Variants in ATG2A observed in about 807,000 individuals in gnomAD.
The protein encoded by ATG2A is autophagy-related protein 2 homolog A.
ATG2A carries 103 observed loss-of-function variants against 214.2 expected under a neutral mutation model. The ratio of observed to expected loss-of-function variants is 0.48; its 90% CI spans 0.41 to 0.57. The LOEUF (loss-of-function observed/expected upper bound fraction) is 0.57, where lower values mean the gene tolerates loss of function less well. ATG2A is among the 20% of genes least tolerant of loss of function. The probability of loss-of-function intolerance (pLI) is 0.00; values close to 1 mark genes in which losing one functional copy is unlikely to be tolerated. For synonymous variants in ATG2A, 1,160 were observed against 1,142.1 expected (o/e 1.02, Z -0.32); for missense variants, 2,312 against 2,613.2 (o/e 0.88, Z 2.51).
At position 64,897,902 on chromosome 11, in the gene ATG2A, G is replaced by A. The variant is rs190479823; in HGVS notation, c.4931C>T (p.Ser1644Leu). The A allele has an allele frequency of 3.4e-5, 53 of 1,565,040 alleles. No homozygotes were observed. In the East Asian group the frequency reaches 4.9e-4, roughly 15 times the overall value. Residue 1644 changes from serine (S) to leucine (L), a missense_variant, in exon 35 of 41, where the codon TCG becomes TTG. Transcript: ENST00000377264. ...GTGTCCACCTCCTGGGGCCTCCTGC[G>A]AACCAGTGGTCTCTACGCCTTCGGC... ...GQAEGVETTG[S>L]QEAPGGGHSP...
At position 64,911,007 on chromosome 11, in the gene ATG2A, CT is replaced by C. The variant is rs763984994; in HGVS notation, c.1466+30del. 2.5e-6 allele frequency: 4 copies of C among 1,613,692 alleles called. No homozygotes were observed. The South Asian group carries it at 4.4e-5, about 18-fold the overall frequency. Reference sequence around the variant, plus strand: ...GGTGCACTTAGGGGGCTCTGATGGTCTCTCCTCAGGCCCTGGCCTCGGGCTT... The same window carrying C: ...GGTGCACTTAGGGGGCTCTGATGGTCCTCCTCAGGCCCTGGCCTCGGGCTT... On this transcript the variant is annotated intron_variant, in intron 10 of 40. Transcript: ENST00000377264.
Position 64,914,096 on chromosome 11 carries a change from G to A in ATG2A, c.472C>T (p.Gln158Ter). The change falls in exon 3 of 41, where the codon CAG becomes TAG. Residue 158 changes from glutamine to a stop codon, truncating the protein, a stop_gained. Transcript: ENST00000377264. LOFTEE classifies it high-confidence loss of function. ...QPLEGLEMFA[Q>*]TIETVLRRIK... The stretch of plus-strand genomic sequence containing the variant: ...GCCTGCTCACCAGTCTCAATGGTCT[G>A]GGCAAACATCTCCAGCCCCTCCAGG... 2 of 1,548,242 alleles carry A rather than the reference G, an allele frequency of 1.3e-6. No individual in the cohort carries two copies. The highest frequency in any genetic ancestry group is 1.7e-6 in the Non-Finnish European group (2 of 1,145,598).
rs1037678541 is a variant in ATG2A at position 64,894,586 on chromosome 11, C to A, written c.*387G>T. The A allele has an allele frequency of 5.5e-5, 27 of 494,758 alleles. No individual in the cohort carries two copies. In the Admixed American group the frequency reaches 6.0e-4, roughly 11 times the overall value. 30.6% of individuals were successfully genotyped at this position (494,758 alleles called of 1,614,324 possible). A position where few individuals can be genotyped will look rare whatever the true frequency, so the allele number is the denominator to read the frequency against. On this transcript the variant is annotated 3_prime_UTR_variant, in exon 41 of 41. Coordinates refer to ENST00000377264, the MANE Select transcript of ATG2A (RefSeq NM_015104.3). ...TATTCCACTTCATGCAGACACTGAC[C>A]CACGCACTCACGGAGCTTAAAAATA...
intron 11 of ATG2A, 43 bp from the exon 12 acceptor site, chr11:64,910,751 C>T: frequency 6.2e-7 from 1 of 1,610,066 alleles, no homozygotes; most frequent in Non-Finnish European, 8.5e-7. Context: ...GGCCTGGCCC[C>T]ACAGCCACCC....
chr11:64,917,183 G>A lies in ATG2A; in HGVS notation c.-48C>T. 1 of 1,543,458 alleles carries A rather than the reference G, an allele frequency of 6.5e-7. No individual in the cohort carries two copies. Among genetic ancestry groups the A allele is most frequent in the Non-Finnish European group, 8.8e-7 (1 of 1,142,646 alleles). ...CCGCCTCCGCTTGCCGCCCGCCGGC[G>A]ATCCCCGTCCGGCTCCGCTGTTCAC... On this transcript the variant is annotated 5_prime_UTR_variant, in exon 1 of 41. Coordinates refer to ENST00000377264, the MANE Select transcript of ATG2A (RefSeq NM_015104.3).
In ATG2A at chr11:64,902,635, C is replaced by A. The variant is rs766923930; in HGVS notation, c.3658G>T (p.Val1220Leu). 6.2e-7 allele frequency: 1 copy of A among 1,610,936 alleles called. No individual in the cohort carries two copies. The highest frequency in any genetic ancestry group is 1.7e-5 in the Admixed American group (1 of 59,968). ...ELRCSNNVVHVHSCADSCALL... is the reference protein window; with the variant it reads ...ELRCSNNVVHLHSCADSCALL... ...GCACAGGAGTCGGCACAGCTGTGCA[C>A]GTGTACCACATTGTTGGAGCAGCGC... The change falls in exon 27 of 41, where the codon GTG becomes TTG. Residue 1220 changes from valine to leucine, a missense_variant. By Grantham distance (32) the Val-to-Leu change is conservative. Coordinates refer to ENST00000377264, the MANE Select transcript of ATG2A (RefSeq NM_015104.3).
rs751059416 is a variant in ATG2A, at chr11:64,898,655, C to T, written c.4652G>A (p.Arg1551Gln). 7 of 1,613,980 alleles carry T rather than the reference C, an allele frequency of 4.3e-6. No homozygotes were observed. In the East Asian group the frequency reaches 6.7e-5, roughly 15 times the overall value. The part of the protein sequence containing the change: ...LYLHTSERMP[R>Q]RAHSNMLTIK... ...TCATACCATGTTAGAGTGGGCACGT[C>T]GCGGCATCCGCTCACTCGTGTGTAG... The change falls in exon 32 of 41, where the codon CGA (arginine) becomes CAA (glutamine). Residue 1551 changes from arginine (R) to glutamine (Q), a missense_variant. By Grantham distance (43) the Arg-to-Gln change is conservative (BLOSUM62 1). Transcript: ENST00000377264. The surrounding 1 kb of genome is among the most constrained non-coding windows in gnomAD (Gnocchi z 4.5).
At chr11:64,912,479 A>G in intron 6 of ATG2A, 56 bp from the exon 7 acceptor site, 1 of 1,430,070 alleles carries the variant, frequency 7.0e-7, no homozygotes, top group African/African-American at 1.4e-5. Context: ...CTCCTCTAAG[A>G]GCTACCACCC....
At chr11:64,906,559 T>C (rs1944558098) in intron 20 of ATG2A, 26 bp from the exon 21 acceptor site, 1 of 1,609,992 alleles carries the variant, frequency 6.2e-7, no homozygotes, top group Non-Finnish European at 8.5e-7. Context: ...ATGAGCCCCC[T>C]GCCAAGCCAA....
rs1565738824 is a variant in ATG2A at position 64,897,384 on chromosome 11, GA to G, written c.5150+27del. ...AACAGAAGGAAGATCAGGGACCCTG[GA>G]GAGAGGCTGGGGTGCTGGGGACTCA... On this transcript the variant is annotated intron_variant, in intron 37 of 40. Transcript: ENST00000377264. 1.9e-6 allele frequency: 3 copies of G among 1,553,460 alleles called. No homozygotes were observed. In the Admixed American group the frequency reaches 5.9e-5, roughly 30 times the overall value.
Position 64,905,819 on chromosome 11 carries a change from G to A in ATG2A, c.3294C>T (p.Asp1098=), listed in dbSNP as rs750453516. ...TCGGGGGCAGGTAGCCCAGCACAGG[G>A]TCATCCAGCACGTCTAGGAACTCCA... is the stretch of plus-strand genomic sequence containing the variant. The part of the protein sequence containing the change: ...QLLEFLDVLD[D]PVLGYLPPTV... Residue 1098 remains aspartate, a synonymous_variant, in exon 23 of 41, where the codon GAC becomes GAT. Transcript: ENST00000377264. The A allele has an allele frequency of 2.0e-5, 33 of 1,613,536 alleles. No homozygotes were observed. The highest frequency in any genetic ancestry group is 1.6e-4 in the Middle Eastern group (1 of 6,084).
rs376942003 is a variant in ATG2A, at chr11:64,906,565, G to T, written c.2984-32C>A. 36 of 1,609,498 alleles carry T rather than the reference G, an allele frequency of 2.2e-5. No individual in the cohort carries two copies. In the African/African-American group the frequency reaches 4.1e-4, roughly 19 times the overall value. ...AGGGGTCTCATGAGCCCCCTGCCAA[G>T]CCAACTGGCTACCCACTCCACCCAG... On this transcript the variant is annotated intron_variant, in intron 20 of 40. Coordinates refer to ENST00000377264, the MANE Select transcript of ATG2A (RefSeq NM_015104.3).
At chr11:64,904,816 TTATCTATC>T (rs1555184661) in intron 24 of ATG2A, among the ~76,000 whole-genome samples, 1 of 145,162 alleles carries the variant, frequency 6.9e-6, no homozygotes, top group African/African-American at 2.7e-5. Flanking sequence ...TCTATATTTT[TTATCTATC>T]TATCTATCTA....
chr11:64,903,454 G>C lies in ATG2A; in HGVS notation c.3536-90C>G. The C allele has an allele frequency of 6.5e-7, 1 of 1,539,888 alleles. No individual in the cohort carries two copies. Among genetic ancestry groups the C allele is most frequent in the Non-Finnish European group, 8.9e-7 (1 of 1,123,684 alleles). On this transcript the variant is annotated intron_variant, in intron 25 of 40. Transcript: ENST00000377264. This position sits in a 1 kb window ranked among gnomAD's most constrained non-coding sequence, Gnocchi z 4.2. ...GGGGAAGGATCCGGTTGATCCAGGT[G>C]TAGTCCCTGCTGTGCGGGCTACGTG...
chr11:64,913,351 ACCGGCGGCG>A lies in ATG2A; in HGVS notation c.632_640del (p.Ala211_Pro213del). 1 of 1,602,348 alleles carries A rather than the reference ACCGGCGGCG, an allele frequency of 6.2e-7. No individual in the cohort carries two copies. The highest frequency in any genetic ancestry group is 8.5e-7 in the Non-Finnish European group (1 of 1,175,822). ...GAAGGCAGGCGGCTGATGCACGTCC[ACCGGCGGCG>A]CCTGGCTTGGGTCCCGCACTGCCTC... On this transcript the variant is annotated inframe_deletion, in exon 5 of 41. Coordinates refer to ENST00000377264, the MANE Select transcript of ATG2A (RefSeq NM_015104.3). This position sits in a 1 kb window ranked among gnomAD's most constrained non-coding sequence, Gnocchi z 4.3.
chr11:64,902,264 A>G lies in ATG2A; in HGVS notation c.3900T>C (p.Pro1300=), dbSNP rs1944378110. 1.9e-6 allele frequency: 3 copies of G among 1,613,222 alleles called. No individual in the cohort carries two copies. The highest frequency in any genetic ancestry group is 2.5e-6 in the Non-Finnish European group (3 of 1,179,998). Residue 1300 remains proline, a synonymous_variant, in exon 28 of 41, where the codon CCT becomes CCC. Coordinates refer to ENST00000377264, the MANE Select transcript of ATG2A (RefSeq NM_015104.3). ...CCCACAGCACCCCCACTTCACCTGAAGGCTGGGCCAGCTCCCGTAGGCTGC... is the reference window on the plus strand; with the variant it reads ...CCCACAGCACCCCCACTTCACCTGAGGGCTGGGCCAGCTCCCGTAGGCTGC... ...TERSLRELAQ[P]SGGHLPQASP...
Position 64,895,282 on chromosome 11 carries a change from C to A in ATG2A, c.5580+8G>T. On this transcript the variant is annotated splice_region_variant and intron_variant, in intron 40 of 40. Transcript: ENST00000377264. This position sits in a 1 kb window ranked among gnomAD's most constrained non-coding sequence, Gnocchi z 5.0. ...TGGGGGACTGGGGCAGGGCGGGGGC[C>A]TGGTCACCTCTCGCACTGTGTCGTA... 6.2e-7 allele frequency: 1 copy of A among 1,613,240 alleles called. No homozygotes were observed. Among genetic ancestry groups the A allele is most frequent in the Non-Finnish European group, 8.5e-7 (1 of 1,179,886 alleles).
chr11:64,910,395 G>C (rs960223613), intron 12 of ATG2A, among the ~76,000 whole-genome samples, 200 bp from the exon 13 acceptor site: 1 of 152,254 alleles, frequency 6.6e-6, no homozygotes, highest in African/African-American at 2.4e-5. Flanking sequence ...CTTAGCAACA[G>C]AGGCCAGCCA....
In ATG2A at chr11:64,903,458, T is replaced by C; in HGVS notation, c.3536-94A>G. On this transcript the variant is annotated intron_variant, in intron 25 of 40. Transcript: ENST00000377264. The surrounding 1 kb of genome is among the most constrained non-coding windows in gnomAD (Gnocchi z 4.2). ...AAGGATCCGGTTGATCCAGGTGTAGTCCCTGCTGTGCGGGCTACGTGTGGG... is the reference window on the plus strand; with the variant it reads ...AAGGATCCGGTTGATCCAGGTGTAGCCCCTGCTGTGCGGGCTACGTGTGGG... 2.6e-6 allele frequency: 4 copies of C among 1,526,518 alleles called. No homozygotes were observed. The highest frequency in any genetic ancestry group is 3.6e-6 in the Non-Finnish European group (4 of 1,113,488). 94.6% of individuals were successfully genotyped at this position (1,526,518 alleles called of 1,614,324 possible).
Sources: allele counts gnomAD v4.1 joint callset (sites outside exome capture counted in the v4.1 genomes callset), GRCh38; gene constraint gnomAD v4.1.1; non-coding constraint Gnocchi (gnomAD v3.1); transcripts MANE v1.5; gene names NCBI Gene and HGNC (gene_info 2026-07-23, HGNC 2026-07-21).